The following PARL variants were observed in gnomAD, a reference collection of about 807,000 sequenced individuals.
PARL encodes the protein presenilin-associated rhomboid-like protein, mitochondrial.
A neutral mutation model predicts 51.6 loss-of-function variants in PARL; 44 were observed. The ratio of observed to expected loss-of-function variants is 0.85; its 90% confidence interval spans 0.67 to 1.10. The LOEUF is 1.10. Ranked by LOEUF, PARL falls within the 50% of genes least tolerant of loss-of-function variation. PARL has a pLI of 0.00. For synonymous variants in PARL, 172 were observed against 164.0 expected (o/e 1.05, Z -0.37); for missense variants, 441 against 469.5 (o/e 0.94, Z 0.56).
At chr3:183,850,573 C>T (rs1006167102) in intron 4 of PARL, among the ~76,000 whole-genome samples, 34 of 152,164 alleles carry the variant, frequency 2.2e-4, no homozygotes, top group African/African-American at 6.5e-4. Flanking sequence ...CTGGGAAATT[C>T]TACCAAATAT....
intron 3 of PARL, among the ~76,000 whole-genome samples, chr3:183,866,233 G>C (rs1029833772): frequency 2.0e-5 from 3 of 152,144 alleles, no homozygotes; most frequent in Non-Finnish European, 2.9e-5. Context: ...CAGAATTCTG[G>C]AACACTGTTA....
intron 4 of PARL, chr3:183,856,542 C>A (rs1277432379): frequency 6.6e-6 from 1 of 152,286 alleles, no homozygotes; most frequent in Non-Finnish European, 1.5e-5. Flanking sequence ...AGGACTGGGT[C>A]CACAGCTACC....
chr3:183,835,519 A>C lies in PARL; in HGVS notation c.829-1694T>G, dbSNP rs541289622. Among the ~76,000 whole-genome samples, 127 of 152,304 alleles carry C rather than the reference A, an allele frequency of 8.3e-4. 1 individual carries two copies. Among genetic ancestry groups the C allele is most frequent in the African/African-American group, 2.7e-3 (112 of 41,564 alleles). On this transcript the variant is annotated intron_variant, in intron 7 of 9. Coordinates refer to ENST00000317096, the MANE Select transcript of PARL (RefSeq NM_018622.7). ...TGGAAGGACAGCATGAACACTCCTC[A>C]AAAGGAGGACCCAAGAAGACCTGAA...
At chr3:183,852,975 T>A (rs1730719887) in intron 4 of PARL, among the ~76,000 whole-genome samples, 1 of 152,004 alleles carries the variant, frequency 6.6e-6, no homozygotes, top group Non-Finnish European at 1.5e-5. Context: ...TATACAAAAA[T>A]TAACTCAAAA....
Position 183,844,942 on chromosome 3 carries a change from C to A in PARL, c.512-616G>T, listed in dbSNP as rs188313765. Among the ~76,000 whole-genome samples, 129 of 152,046 alleles carry A rather than the reference C, an allele frequency of 8.5e-4. 1 individual carries two copies. The highest frequency in any genetic ancestry group is 1.5e-4 in the Non-Finnish European group (10 of 68,018). ...GTAAGTGTTGATGTTGTTAGTACTA[C>A]GAAATTGAGGTTTATTCGATAATAT... On this transcript the variant is annotated intron_variant, in intron 4 of 9. Coordinates refer to ENST00000317096, the MANE Select transcript of PARL (RefSeq NM_018622.7).
chr3:183,867,254 AC>A (rs561156759), intron 2 of PARL, among the ~76,000 whole-genome samples: 1 of 152,116 alleles, frequency 6.6e-6, no homozygotes, highest in Non-Finnish European at 1.5e-5. Context: ...ACTTCACAAT[AC>A]CCTGGGGCCT....
In PARL at chr3:183,833,572, G is replaced by T; in HGVS notation, c.948C>A (p.Ile316=). Residue 316 remains isoleucine (I), a synonymous_variant, in exon 9 of 10, where the codon ATC becomes ATA. Coordinates refer to ENST00000317096, the MANE Select transcript of PARL (RefSeq NM_018622.7). ...FTAGNALKAI[I]AMDTAGMILG... is the part of the protein sequence containing the mutation. ...GGATCATTCCTGCTGTATCCATGGCGATAATGGCTTTCAGGGCCTGAAAGG... is the reference window on the plus strand; with the variant it reads ...GGATCATTCCTGCTGTATCCATGGCTATAATGGCTTTCAGGGCCTGAAAGG... The T allele has an allele frequency of 6.2e-7, 1 of 1,613,058 alleles. No homozygotes were observed. Among genetic ancestry groups the T allele is most frequent in the Non-Finnish European group, 8.5e-7 (1 of 1,179,040 alleles).
intron 1 of PARL, among the ~76,000 whole-genome samples, chr3:183,869,697 CT>C (rs930888495): frequency 2.0e-5 from 3 of 152,026 alleles, no homozygotes; most frequent in Non-Finnish European, 4.4e-5. Flanking sequence ...TCGGGTAGGT[CT>C]TTTGTCTTTG....
At chr3:183,836,349 T>C (rs1375202592) in intron 7 of PARL, among the ~76,000 whole-genome samples, 1 of 152,182 alleles carries the variant, frequency 6.6e-6, no homozygotes, top group Non-Finnish European at 1.5e-5. Context: ...GCTGGTTTTT[T>C]TGTGATTATA....
intron 4 of PARL, chr3:183,861,091 C>T: frequency 5.2e-6 from 1 of 190,810 alleles, no homozygotes; most frequent in Non-Finnish European, 9.7e-6. Flanking sequence ...GCTGGGATTA[C>T]AGGCGTAAGC....
At chr3:183,882,592 C>T (rs1180079666) in intron 1 of PARL, among the ~76,000 whole-genome samples, 1 of 152,004 alleles carries the variant, frequency 6.6e-6, no homozygotes, top group Non-Finnish European at 1.5e-5. Flanking sequence ...AGCCTCAAAC[C>T]TTGGTAACAG....
chr3:183,882,436 AAG>A (rs149185640), intron 1 of PARL, among the ~76,000 whole-genome samples: 2 of 147,464 alleles, frequency 1.4e-5, no homozygotes, highest in African/African-American at 2.5e-5. Context: ...GAGAGAGAGA[AAG>A]AGAGAGACTA....
intron 2 of PARL, among the ~76,000 whole-genome samples, chr3:183,867,307 C>T (rs1239780044): frequency 1.3e-5 from 2 of 152,212 alleles, no homozygotes; most frequent in African/African-American, 4.8e-5. Flanking sequence ...AAAATACCAA[C>T]TTAGCACCGC....
Position 183,878,495 on chromosome 3 carries a change from A to C in PARL, c.125+6227T>G, listed in dbSNP as rs77476281. 7.6e-3 allele frequency among the ~76,000 whole-genome samples: 1,156 copies of C among 152,248 alleles called. 20 individuals carry two copies. Among genetic ancestry groups the C allele is most frequent in the African/African-American group, 0.027 (1,119 of 41,520 alleles). ...TCCTAGTCTAGAGCAGTAATTCTCA[A>C]TTCTGGCTATACATTAGAACTGCCT... On this transcript the variant is annotated intron_variant, in intron 1 of 9. Transcript: ENST00000317096.
rs555494329 is a variant in PARL, at chr3:183,838,267, A to T, written c.828+2303T>A. 6.6e-5 allele frequency among the ~76,000 whole-genome samples: 10 copies of T among 152,194 alleles called. 1 individual carries two copies. The South Asian group carries it at 2.1e-3, about 32-fold the overall frequency. On this transcript the variant is annotated intron_variant, in intron 7 of 9. Coordinates refer to ENST00000317096, the MANE Select transcript of PARL (RefSeq NM_018622.7). Reference sequence around the variant, plus strand: ...GTCTCAAACCTCCTGGGCTCAAGTGATCTTCCTGCCGTGGCTCCCAAAGTG... The same window carrying T: ...GTCTCAAACCTCCTGGGCTCAAGTGTTCTTCCTGCCGTGGCTCCCAAAGTG...
intron 3 of PARL, among the ~76,000 whole-genome samples, chr3:183,864,772 C>T (rs111548297): frequency 1.4e-5 from 2 of 146,880 alleles, no homozygotes; most frequent in Non-Finnish European, 3.0e-5. Context: ...GAGACTCTGT[C>T]TCAAAAGAAA....
chr3:183,853,284 G>A (rs922525698), intron 4 of PARL, among the ~76,000 whole-genome samples: 1 of 140,150 alleles, frequency 7.1e-6, no homozygotes, highest in Non-Finnish European at 1.6e-5. Flanking sequence ...TAACTCAGGC[G>A]GGTGCAAGTG....
At chr3:183,828,883 A>G (rs1727608848), downstream of PARL, among the ~76,000 whole-genome samples, 1 of 152,206 alleles carries the variant, frequency 6.6e-6, no homozygotes, top group Admixed American at 6.5e-5. Context: ...CGAGGGTAAC[A>G]TGAATTCCAC....
At chr3:183,882,282 T>G (rs28703749) in intron 1 of PARL, among the ~76,000 whole-genome samples, 1 of 89,692 alleles carries the variant, frequency 1.1e-5, no homozygotes, top group Non-Finnish European at 2.3e-5. Flanking sequence ...TATATATATA[T>G]ACACACACAC....
Sources: gnomAD v4.1 joint callset for allele counts (sites outside exome capture counted in the v4.1 genomes callset) on GRCh38, gnomAD v4.1.1 for gene constraint, MANE v1.5 for transcripts, NCBI Gene and HGNC (gene_info 2026-07-23, HGNC 2026-07-21) for gene names.